Variants in SULT1C3 observed in about 807,000 individuals in gnomAD.
SULT1C3 encodes the protein sulfotransferase family 1C member 3.
SULT1C3 carries 31 observed loss-of-function variants against 28.4 expected under a neutral mutation model. The ratio of observed to expected loss-of-function variants is 1.09; its 90% CI spans 0.82 to 1.47. The LOEUF (loss-of-function observed/expected upper bound fraction) is 1.47, where lower values mean the gene tolerates loss of function less well. Among genes scored for constraint, SULT1C3 ranks in the 40% most tolerant of loss-of-function variants. The pLI is 0.00. For missense variants in SULT1C3, 307 were observed against 272.5 expected (o/e 1.13, Z -0.89); for synonymous variants, 106 against 92.2 (o/e 1.15, Z -0.86).
chr2:108,247,158 T>G, intron 1 of SULT1C3, 30 bp from the exon 2 acceptor site: 1 of 1,393,606 alleles, frequency 7.2e-7, no homozygotes, highest in Non-Finnish European at 9.4e-7. Context: ...TTTTAAAAAT[T>G]TTAATTAGTA....
chr2:108,250,942 T>C (rs1675712513), intron 2 of SULT1C3, among the ~76,000 whole-genome samples: 1 of 152,072 alleles, frequency 6.6e-6, no homozygotes, highest in East Asian at 1.9e-4. Flanking sequence ...CACAACGTTC[T>C]ACTCTTATCT....
intron 1 of SULT1C3, among the ~76,000 whole-genome samples, chr2:108,240,738 A>C (rs1675444273): frequency 6.6e-6 from 1 of 152,216 alleles, no homozygotes. Context: ...GCTTCAAAAC[A>C]ATGAAAGAGA....
At chr2:108,244,021 G>A (rs12475415) in intron 1 of SULT1C3, among the ~76,000 whole-genome samples, 40,120 of 152,116 alleles carry the variant, frequency 0.26, 6,190 homozygotes, top group East Asian at 0.7. Flanking sequence ...GGCTTGAACC[G>A]CAGACTTGTG....
intron 2 of SULT1C3, among the ~76,000 whole-genome samples, chr2:108,252,147 T>TTAGATAGATAGATAGATAGA (rs57768246): frequency 6.7e-6 from 1 of 148,968 alleles, no homozygotes; most frequent in African/African-American, 2.5e-5. Context: ...AGATGATAGA[T>TTAGATAGATAGATAGATAGA]TAGATAGATA....
At chr2:108,247,429 T>C (rs1482739585) in intron 2 of SULT1C3, 63 bp downstream of exon 2, 1 of 1,373,780 alleles carries the variant, frequency 7.3e-7, no homozygotes, top group South Asian at 1.8e-5. Context: ...ATAATCTGTA[T>C]TGATAAATGA....
intron 2 of SULT1C3, among the ~76,000 whole-genome samples, chr2:108,249,202 C>A (rs1348728942): frequency 6.6e-6 from 1 of 151,904 alleles, no homozygotes; most frequent in African/African-American, 2.4e-5. Context: ...GAAACTATGA[C>A]CGAATATTCA....
chr2:108,244,345 A>G lies in SULT1C3; in HGVS notation c.-7-2843A>G, dbSNP rs550482206. Among the ~76,000 whole-genome samples, 119 of 151,852 alleles carry G rather than the reference A, an allele frequency of 7.8e-4. No individual in the cohort carries two copies. In the South Asian group the frequency reaches 0.024, roughly 30 times the overall value. Reference sequence around the variant, plus strand: ...TAAGTTTGGAAAATTAACTTTTCCCAGGTTAAGGGGACATTATAAAAGAGA... The same window carrying G: ...TAAGTTTGGAAAATTAACTTTTCCCGGGTTAAGGGGACATTATAAAAGAGA... On this transcript the variant is annotated intron_variant, in intron 1 of 7. Coordinates refer to ENST00000681802, the MANE Select transcript of SULT1C3 (RefSeq NM_001320878.2).
intron 5 of SULT1C3, among the ~76,000 whole-genome samples, chr2:108,256,529 G>A (rs1270283109): frequency 2.6e-5 from 4 of 152,012 alleles, no homozygotes; most frequent in Non-Finnish European, 5.9e-5. Context: ...TTTCACTAAC[G>A]TCTCTCAAAT....
Position 108,247,303 on chromosome 2 carries a change from G to A in SULT1C3, c.109G>A (p.Glu37Lys). 1.3e-6 allele frequency: 2 copies of A among 1,598,960 alleles called. No homozygotes were observed. The highest frequency in any genetic ancestry group is 1.7e-6 in the Non-Finnish European group (2 of 1,171,606). The change falls in exon 2 of 8, where the codon GAA becomes AAA. Residue 37 changes from glutamate (E) to lysine (K), a missense_variant. Physicochemically the swap from Glu to Lys is moderately conservative, Grantham distance 56. Coordinates refer to ENST00000681802, the MANE Select transcript of SULT1C3 (RefSeq NM_001320878.2). ...GTTGATATTATCAAAAGAATGGTGGGAAAAAGTATGTAATTTCCAAGCCAA... is the reference window on the plus strand; with the variant it reads ...GTTGATATTATCAAAAGAATGGTGGAAAAAAGTATGTAATTTCCAAGCCAA... Reference protein sequence around the residue: ...PTLILSKEWWEKVCNFQAKPD... With the variant: ...PTLILSKEWWKKVCNFQAKPD...
chr2:108,255,625 T>A lies in SULT1C3; in HGVS notation c.453T>A (p.Phe151Leu), dbSNP rs1360354490. The change falls in exon 5 of 8, where the codon TTT becomes TTA. Residue 151 changes from phenylalanine to leucine, a missense_variant. Coordinates refer to ENST00000681802, the MANE Select transcript of SULT1C3 (RefSeq NM_001320878.2). ...PKDCLVSYYH[F>L]HRMASFMPDP... ...ATTGCCTGGTGTCCTACTACCACTT[T>A]CACAGGATGGCTTCCTTTATGCCTG... 4 of 1,611,990 alleles carry A rather than the reference T, an allele frequency of 2.5e-6. No homozygotes were observed. The highest frequency in any genetic ancestry group is 2.2e-5 in the South Asian group (2 of 91,008).
In SULT1C3 at chr2:108,247,372, G is replaced by C; in HGVS notation, c.172+6G>C. Reference sequence around the variant, plus strand: ...GGCAACTTACCCAAAGTCAGGTAAGGGTAGCAAAACATAAAAATATTCAAT... The same window carrying C: ...GGCAACTTACCCAAAGTCAGGTAAGCGTAGCAAAACATAAAAATATTCAAT... On this transcript the variant is annotated splice_donor_region_variant and intron_variant, in intron 2 of 7. Coordinates refer to ENST00000681802, the MANE Select transcript of SULT1C3 (RefSeq NM_001320878.2). The C allele has an allele frequency of 6.6e-7, 1 of 1,525,252 alleles. No homozygotes were observed. The highest frequency in any genetic ancestry group is 8.8e-7 in the Non-Finnish European group (1 of 1,133,374). The allele number at this position is 1,525,252 out of a possible 1,614,324, so 94.5% of individuals were successfully genotyped here.
intron 4 of SULT1C3, among the ~76,000 whole-genome samples, chr2:108,253,767 C>T (rs1261389292): frequency 6.6e-6 from 1 of 151,998 alleles, no homozygotes; most frequent in Non-Finnish European, 1.5e-5. Context: ...AACCCTGTTG[C>T]TTTGCTCTGC....
intron 1 of SULT1C3, among the ~76,000 whole-genome samples, chr2:108,242,404 C>G (rs1478074830): frequency 6.6e-6 from 1 of 152,134 alleles, no homozygotes; most frequent in Non-Finnish European, 1.5e-5. Context: ...CTTGGAGGAG[C>G]AGGGTCAGGT....
chr2:108,258,683 C>A, intron 5 of SULT1C3, 51 bp from the exon 6 acceptor site: 1 of 1,377,792 alleles, frequency 7.3e-7, no homozygotes, highest in African/African-American at 1.5e-5. Flanking sequence ...ACTTTATAGC[C>A]TTGGGTTTTG....
intron 2 of SULT1C3, among the ~76,000 whole-genome samples, chr2:108,251,844 GA>G (rs953906357): frequency 4.0e-5 from 6 of 151,880 alleles, no homozygotes; most frequent in Admixed American, 2.0e-4. Flanking sequence ...TGATACAATG[GA>G]AAAAAATTAA....
intron 2 of SULT1C3, among the ~76,000 whole-genome samples, chr2:108,248,479 A>T (rs1053055635): frequency 9.9e-5 from 15 of 152,194 alleles, no homozygotes; most frequent in Non-Finnish European, 1.9e-4. Context: ...TTCAAGAGCC[A>T]GGTGTAGGAG....
At chr2:108,263,089 A>G (rs1392070786), downstream of SULT1C3, among the ~76,000 whole-genome samples, 8 of 152,180 alleles carry the variant, frequency 5.3e-5, no homozygotes, top group Non-Finnish European at 1.0e-4. Context: ...ATGGGTCTCC[A>G]GGTACTGGGT....
At chr2:108,247,447 T>C in intron 2 of SULT1C3, 81 bp downstream of exon 2, 2 of 1,293,446 alleles carry the variant, frequency 1.5e-6, no homozygotes, top group Non-Finnish European at 2.1e-6. Flanking sequence ...TGAAGCATGA[T>C]TGGGATTTGG....
At chr2:108,249,523 TA>T (rs1299662611) in intron 2 of SULT1C3, among the ~76,000 whole-genome samples, 1 of 152,028 alleles carries the variant, frequency 6.6e-6, no homozygotes, top group East Asian at 1.9e-4. Context: ...ATTGATAAAA[TA>T]AATAGCACCT....
Sources: allele counts gnomAD v4.1 joint callset (sites outside exome capture counted in the v4.1 genomes callset), GRCh38; gene constraint gnomAD v4.1.1; transcripts MANE v1.5; gene names NCBI Gene and HGNC (gene_info 2026-07-23, HGNC 2026-07-21).